The following PPFIBP2 variants were observed in gnomAD, a reference collection of about 807,000 sequenced individuals.
The protein encoded by PPFIBP2 is liprin-beta-2.
A neutral mutation model predicts 118.3 loss-of-function variants in PPFIBP2; 118 were observed. That is an observed-to-expected ratio of 1.00 (90% CI 0.86 to 1.16). PPFIBP2 has a LOEUF of 1.16. Among genes scored for constraint, PPFIBP2 ranks in the 50% most tolerant of loss-of-function variants. The pLI, the probability that PPFIBP2 is intolerant of heterozygous loss-of-function variation, is 0.00. For synonymous variants in PPFIBP2, 414 were observed against 397.4 expected, an observed-to-expected ratio of 1.04 and a Z score of -0.50; for missense variants, 1,195 against 1,073.1, an observed-to-expected ratio of 1.11 and a Z score of -1.59.
chr11:7,562,976 T>TATATATATATAC (rs1554953438), intron 2 of PPFIBP2, among the ~76,000 whole-genome samples: 3 of 100,464 alleles, frequency 3.0e-5, no homozygotes, highest in African/African-American at 9.9e-5. Context: ...TATATATATA[T>TATATATATATAC]ACACGCACAC....
chr11:7,601,911 T>C (rs1846683261), intron 5 of PPFIBP2, among the ~76,000 whole-genome samples: 1 of 150,756 alleles, frequency 6.6e-6, no homozygotes, highest in Non-Finnish European at 1.5e-5. Flanking sequence ...CTGACCAACA[T>C]GGTGAAACCC....
In PPFIBP2 at chr11:7,606,972, A is replaced by G. The variant is rs540776401; in HGVS notation, c.487-3319A>G. ...GTCGCCCAGGCTGGAGTGCAGTGGCACGATCTCGGCTAACTGCAAGCTCTG... is the reference window on the plus strand; with the variant it reads ...GTCGCCCAGGCTGGAGTGCAGTGGCGCGATCTCGGCTAACTGCAAGCTCTG... On this transcript the variant is annotated intron_variant, in intron 5 of 23. Coordinates refer to ENST00000299492, the MANE Select transcript of PPFIBP2 (RefSeq NM_003621.5). Among the ~76,000 whole-genome samples the G allele has an allele frequency of 1.3e-4, 16 of 118,744 alleles. No individual in the cohort carries two copies. The South Asian group carries it at 4.7e-3, about 35-fold the overall frequency. 77.9% of individuals were successfully genotyped at this position (118,744 alleles called of 152,430 possible). A position where few individuals can be genotyped will look rare whatever the true frequency, so the allele number is the denominator to read the frequency against.
At chr11:7,613,023 G>C (rs892568881) in intron 6 of PPFIBP2, among the ~76,000 whole-genome samples, 1 of 152,180 alleles carries the variant, frequency 6.6e-6, no homozygotes, top group Non-Finnish European at 1.5e-5. Flanking sequence ...CTATACTGCT[G>C]CTGTTTTTTC....
chr11:7,606,252 G>A (rs917886262), intron 5 of PPFIBP2, among the ~76,000 whole-genome samples: 25 of 152,206 alleles, frequency 1.6e-4, no homozygotes, highest in Admixed American at 1.6e-3. Flanking sequence ...GGAAGAATGT[G>A]TAATATTGTT....
At chr11:7,666,034 A>G in the PPFIBP2 span, 1 of 873,498 alleles carries the variant, frequency 1.1e-6, no homozygotes, top group Non-Finnish European at 1.8e-6. Flanking sequence ...TCTGGGCTGC[A>G]GCAGCTGTCT....
chr11:7,625,542 G>A (rs1446559667), intron 7 of PPFIBP2, among the ~76,000 whole-genome samples: 2 of 152,242 alleles, frequency 1.3e-5, no homozygotes, highest in Non-Finnish European at 2.9e-5. Flanking sequence ...AGATGCAGGG[G>A]AAGAAGCACA....
chr11:7,631,803 G>T (rs1336086426), intron 11 of PPFIBP2, among the ~76,000 whole-genome samples: 5 of 152,160 alleles, frequency 3.3e-5, no homozygotes, highest in Non-Finnish European at 7.3e-5. Flanking sequence ...CAGAATAGCG[G>T]TGTCCAAGTC....
At chr11:7,521,258 G>C (rs1194047552) in intron 1 of PPFIBP2, among the ~76,000 whole-genome samples, 2 of 152,174 alleles carry the variant, frequency 1.3e-5, no homozygotes, top group South Asian at 4.1e-4. Context: ...TAGTAATCAT[G>C]ATCCCTAACA....
chr11:7,631,017 T>C lies in PPFIBP2; in HGVS notation c.1057T>C (p.Phe353Leu), dbSNP rs570574986. 8 of 1,612,858 alleles carry C rather than the reference T, an allele frequency of 5.0e-6. No individual in the cohort carries two copies. Among genetic ancestry groups the C allele is most frequent in the Non-Finnish European group, 6.8e-6 (8 of 1,178,960 alleles). ...TACAAATAAGGACCCTGAAGAATTA[T>C]TTAAACAAGAGGTACTGTGTTTCCA... ...NATNKDPEELFKQEMPPRCSS... is the reference protein window; with the variant it reads ...NATNKDPEELLKQEMPPRCSS... The change falls in exon 11 of 24, where the codon TTT becomes CTT. Residue 353 changes from phenylalanine to leucine, a missense_variant. Phe to Leu is a conservative substitution (Grantham distance 22, BLOSUM62 0). Coordinates refer to ENST00000299492, the MANE Select transcript of PPFIBP2 (RefSeq NM_003621.5).
chr11:7,617,369 C>G, intron 6 of PPFIBP2: 1 of 916,894 alleles, frequency 1.1e-6, no homozygotes, highest in Admixed American at 6.2e-5. Flanking sequence ...GGGGTTTCTC[C>G]TAACCAGAAC....
intron 3 of PPFIBP2, among the ~76,000 whole-genome samples, chr11:7,584,652 C>T (rs1363163477): frequency 6.6e-6 from 1 of 152,228 alleles, no homozygotes; most frequent in African/African-American, 2.4e-5. Flanking sequence ...CCTGCCTACA[C>T]TCATACTACT....
rs182674110 is a variant in PPFIBP2, at chr11:7,560,511, A to G, written c.65-5042A>G. Among the ~76,000 whole-genome samples the G allele has an allele frequency of 3.1e-4, 47 of 152,286 alleles. No individual in the cohort carries two copies. The East Asian group carries it at 4.8e-3, about 16-fold the overall frequency. ...TGTTTTTTATACAGCTATATGAATC[A>G]TATTCTTTCTTTCAGAAGTTATTTA... On this transcript the variant is annotated intron_variant, in intron 2 of 23. Coordinates refer to ENST00000299492, the MANE Select transcript of PPFIBP2 (RefSeq NM_003621.5).
At chr11:7,536,285 C>T (rs963891568) in intron 1 of PPFIBP2, among the ~76,000 whole-genome samples, 4 of 152,070 alleles carry the variant, frequency 2.6e-5, no homozygotes, top group East Asian at 1.9e-4. Flanking sequence ...GAGCATGGCA[C>T]GGGTGCACAC....
At position 7,596,410 on chromosome 11, in the gene PPFIBP2, A is replaced by AT. The variant is rs557045055; in HGVS notation, c.373-1142dup. ...TCTTGTTTTTTTTTTTTTTTTTAAC[A>AT]TTTTTTTTGGTTAAAAGTGGAATGT... is the stretch of plus-strand genomic sequence containing the variant. On this transcript the variant is annotated intron_variant, in intron 4 of 23. Coordinates refer to ENST00000299492, the MANE Select transcript of PPFIBP2 (RefSeq NM_003621.5). Among the ~76,000 whole-genome samples the AT allele has an allele frequency of 3.1e-4, 45 of 146,212 alleles. No individual in the cohort carries two copies. The South Asian group carries it at 5.1e-3, about 17-fold the overall frequency.
chr11:7,665,633 G>A, the PPFIBP2 span: 4 of 1,387,974 alleles, frequency 2.9e-6, no homozygotes, highest in South Asian at 2.9e-5. Flanking sequence ...CCCTCAGCCA[G>A]GGAGGAGGTG....
chr11:7,610,540 A>G (rs1847942639), intron 6 of PPFIBP2, 118 bp downstream of exon 6: 1 of 1,364,500 alleles, frequency 7.3e-7, no homozygotes. Flanking sequence ...ATATCTATAC[A>G]CTAGAGATGC....
chr11:7,613,114 GAGAT>G (rs766826164), intron 6 of PPFIBP2, among the ~76,000 whole-genome samples: 2 of 152,116 alleles, frequency 1.3e-5, no homozygotes, highest in African/African-American at 2.4e-5. Flanking sequence ...CCTCAGGTGT[GAGAT>G]AGCCAGATCT....
intron 3 of PPFIBP2, among the ~76,000 whole-genome samples, chr11:7,566,936 G>A (rs1447135025): frequency 1.3e-5 from 2 of 152,148 alleles, no homozygotes; most frequent in East Asian, 1.9e-4. Context: ...TAGTCTATTC[G>A]TAGTCTATGC....
intron 3 of PPFIBP2, among the ~76,000 whole-genome samples, chr11:7,577,860 G>A (rs1856675565): frequency 6.6e-6 from 1 of 152,196 alleles, no homozygotes; most frequent in African/African-American, 2.4e-5. Flanking sequence ...ATGAGCCTCT[G>A]TACAGAAAGG....
Sources: gnomAD v4.1 joint callset for allele counts (sites outside exome capture counted in the v4.1 genomes callset) on GRCh38, gnomAD v4.1.1 for gene constraint, MANE v1.5 for transcripts, NCBI Gene and HGNC (gene_info 2026-07-23, HGNC 2026-07-21) for gene names.